The following SMYD3 variants were observed in gnomAD, a reference collection of about 807,000 sequenced individuals.
SMYD3 encodes the protein SET and MYND domain containing 3, also known as histone-lysine N-methyltransferase SMYD3.
SMYD3 carries 36 observed loss-of-function variants against 57.7 expected under a neutral mutation model. The ratio of observed to expected loss-of-function variants is 0.62; its 90% CI spans 0.48 to 0.82. The LOEUF (loss-of-function observed/expected upper bound fraction) is 0.82. SMYD3 is among the 40% of genes least tolerant of loss of function. SMYD3 has a pLI of 0.00. For missense variants in SMYD3, 515 were observed against 538.8 expected, an observed-to-expected ratio of 0.96 and a Z score of 0.44; for synonymous variants, 211 against 195.0, an observed-to-expected ratio of 1.08 and a Z score of -0.68.
At chr1:245,947,621 G>A (rs944717789) in intron 5 of SMYD3, among the ~76,000 whole-genome samples, 2 of 152,138 alleles carry the variant, frequency 1.3e-5, no homozygotes, top group African/African-American at 4.8e-5. Flanking sequence ...TAAAATGGAG[G>A]GATTGTGAGG....
At chr1:245,817,687 C>T (rs1295212265) in intron 10 of SMYD3, among the ~76,000 whole-genome samples, 1 of 151,616 alleles carries the variant, frequency 6.6e-6, no homozygotes, top group Non-Finnish European at 1.5e-5. Context: ...ATAACCAATA[C>T]AGAGAAGTGC....
intron 5 of SMYD3, among the ~76,000 whole-genome samples, chr1:246,288,969 G>A (rs757576591): frequency 3.3e-5 from 5 of 152,102 alleles, no homozygotes; most frequent in Non-Finnish European, 7.4e-5. Flanking sequence ...CAAAAAATTA[G>A]CTGGGTGTGG....
At chr1:245,851,872 G>T (rs1418923181) in intron 10 of SMYD3, among the ~76,000 whole-genome samples, 1 of 152,162 alleles carries the variant, frequency 6.6e-6, no homozygotes, top group Non-Finnish European at 1.5e-5. Context: ...ACACTATAGA[G>T]ATGTATGGCC....
chr1:246,258,035 G>A (rs1343940399), intron 5 of SMYD3, among the ~76,000 whole-genome samples: 1 of 142,592 alleles, frequency 7.0e-6, no homozygotes, highest in Non-Finnish European at 1.5e-5. Flanking sequence ...CCCAGTCTCA[G>A]GTATTTCTTT....
chr1:246,037,088 C>T (rs10924460), intron 5 of SMYD3, among the ~76,000 whole-genome samples: 70,046 of 151,896 alleles, frequency 0.46, 18,377 homozygotes, highest in East Asian at 0.96. Flanking sequence ...CTATTACAAA[C>T]AAGGTTGCAA....
intron 5 of SMYD3, among the ~76,000 whole-genome samples, chr1:246,304,534 TAG>T (rs768350193): frequency 4.0e-5 from 6 of 151,518 alleles, no homozygotes; most frequent in Non-Finnish European, 8.8e-5. Context: ...GGAAAAAAAA[TAG>T]AGAGGAAAAA....
At chr1:245,948,015 C>T (rs1009335923) in intron 5 of SMYD3, among the ~76,000 whole-genome samples, 1 of 152,116 alleles carries the variant, frequency 6.6e-6, no homozygotes, top group African/African-American at 2.4e-5. Flanking sequence ...CGTGTTGTTC[C>T]TCAAAATCCA....
intron 1 of SMYD3, among the ~76,000 whole-genome samples, chr1:246,479,502 AT>A (rs35818746): frequency 0.067 from 7,154 of 107,400 alleles, 233 homozygotes; most frequent in African/African-American, 0.16. Context: ...AAAAAGCGGG[AT>A]TTTTTTTTTT....
intron 5 of SMYD3, among the ~76,000 whole-genome samples, chr1:246,276,974 C>T (rs11487716): frequency 0.33 from 50,463 of 151,018 alleles, 9,380 homozygotes; most frequent in East Asian, 0.72. Flanking sequence ...TTTAATGTCT[C>T]TAGGTCTCAG....
At chr1:246,320,275 A>G (rs1376212015) in intron 5 of SMYD3, among the ~76,000 whole-genome samples, 1 of 152,224 alleles carries the variant, frequency 6.6e-6, no homozygotes, top group Non-Finnish European at 1.5e-5. Flanking sequence ...TACATATTGC[A>G]AAACCAGCTA....
intron 5 of SMYD3, among the ~76,000 whole-genome samples, chr1:246,299,644 A>T (rs543320658): frequency 6.6e-6 from 1 of 152,288 alleles, no homozygotes; most frequent in East Asian, 1.9e-4. Flanking sequence ...TGCACTGGGG[A>T]ATACTAAGCA....
At chr1:246,192,093 G>A (rs1306402586) in intron 5 of SMYD3, among the ~76,000 whole-genome samples, 1 of 151,990 alleles carries the variant, frequency 6.6e-6, no homozygotes, top group Non-Finnish European at 1.5e-5. Flanking sequence ...TGTGGCTTTT[G>A]TTGTTGTTTT....
At position 246,000,634 on chromosome 1, in the gene SMYD3, A is replaced by G. The variant is rs142118328; in HGVS notation, c.532-70697T>C. ...TGGACACCACCATACACACAGTTCA[A>G]TGATGACCTTTTATTTTGCATCATG... On this transcript the variant is annotated intron_variant, in intron 5 of 11. Transcript: ENST00000490107. Among the ~76,000 whole-genome samples the G allele has an allele frequency of 4.5e-3, 683 of 152,306 alleles. 4 individuals are homozygous for G. Among genetic ancestry groups the G allele is most frequent in the African/African-American group, 0.016 (648 of 41,560 alleles).
At chr1:246,023,982 T>G (rs966244637) in intron 5 of SMYD3, among the ~76,000 whole-genome samples, 1 of 152,106 alleles carries the variant, frequency 6.6e-6, no homozygotes, top group Non-Finnish European at 1.5e-5. Context: ...CTTTCAAAAT[T>G]ATTATATGAC....
At chr1:246,471,209 TA>T (rs1419584162) in intron 1 of SMYD3, among the ~76,000 whole-genome samples, 2 of 152,184 alleles carry the variant, frequency 1.3e-5, no homozygotes, top group Non-Finnish European at 2.9e-5. Flanking sequence ...AATTTTTATT[TA>T]TTTTTTTAGA....
intron 10 of SMYD3, among the ~76,000 whole-genome samples, chr1:245,823,316 CGT>C (rs901390133): frequency 1.8e-4 from 25 of 139,622 alleles, no homozygotes; most frequent in African/African-American, 6.6e-4. Context: ...GCCACACGTG[CGT>C]GTGCACACAC....
At chr1:245,939,397 G>A (rs769757257) in intron 5 of SMYD3, among the ~76,000 whole-genome samples, 48 of 152,136 alleles carry the variant, frequency 3.2e-4, no homozygotes, top group Non-Finnish European at 5.7e-4. Context: ...AGGCCAAGGC[G>A]GGTGGATCAC....
At chr1:246,316,500 C>T (rs543857376) in intron 5 of SMYD3, among the ~76,000 whole-genome samples, 1 of 148,870 alleles carries the variant, frequency 6.7e-6, no homozygotes, top group African/African-American at 2.5e-5. Flanking sequence ...GCTGGGATTA[C>T]AGGCATGAGC....
In SMYD3 at chr1:246,344,865, T is replaced by G. The variant is rs76057906; in HGVS notation, c.229-9391A>C. 8.2e-3 allele frequency among the ~76,000 whole-genome samples: 1,242 copies of G among 152,326 alleles called. 12 individuals are homozygous for G. Among genetic ancestry groups the G allele is most frequent in the African/African-American group, 0.027 (1,113 of 41,568 alleles). ...TTTTAATGTATATCTTCTTAAAGTA[T>G]CTATTCAAATCTTTTACCTGTTTTA... On this transcript the variant is annotated intron_variant, in intron 2 of 11. Coordinates refer to ENST00000490107, the MANE Select transcript of SMYD3 (RefSeq NM_001167740.2).
Sources: gnomAD v4.1 joint callset for allele counts (sites outside exome capture counted in the v4.1 genomes callset) on GRCh38, gnomAD v4.1.1 for gene constraint, MANE v1.5 for transcripts, NCBI Gene and HGNC (gene_info 2026-07-23, HGNC 2026-07-21) for gene names.